Variants in ICE2 observed in about 807,000 individuals in gnomAD.
ICE2 encodes interactor of little elongation complex ELL subunit 2.
Under a neutral mutation model 105.4 loss-of-function variants are expected in ICE2, and 87 were observed. The observed-to-expected ratio is 0.83, with a 90% CI of 0.69 to 0.99. The LOEUF (loss-of-function observed/expected upper bound fraction) is 0.99. Ranked by LOEUF, ICE2 falls within the 50% of genes least tolerant of loss-of-function variation. The probability of loss-of-function intolerance (pLI) is 0.00; values close to 1 mark genes in which losing one functional copy is unlikely to be tolerated. For missense variants in ICE2, 1,323 were observed against 1,146.7 expected (o/e 1.15, Z -2.22); for synonymous variants, 399 against 392.0 (o/e 1.02, Z -0.21).
chr15:60,442,637 G>T, intron 11 of ICE2, 92 bp from the exon 12 acceptor site: 1 of 938,970 alleles, frequency 1.1e-6, no homozygotes, highest in African/African-American at 1.7e-5. Flanking sequence ...CTTTCAAAAT[G>T]CTTTCAGGTA....
Position 60,448,845 on chromosome 15 carries a change from T to TA in ICE2, c.2119+2dup, listed in dbSNP as rs1375837580. 3 of 1,571,790 alleles carry TA rather than the reference T, an allele frequency of 1.9e-6. No individual in the cohort carries two copies. The highest frequency in any genetic ancestry group is 2.0e-5 in the Admixed American group (1 of 48,972). On this transcript the variant is annotated splice_region_variant and intron_variant, in intron 10 of 15. Coordinates refer to ENST00000261520, the MANE Select transcript of ICE2 (RefSeq NM_024611.6). Reference sequence around the variant, plus strand: ...TGTAAGCTCTTTGTAAATATTTACTTACGTCCTTTTGGCTTCTGAAATGCA... The same window carrying TA: ...TGTAAGCTCTTTGTAAATATTTACTTAACGTCCTTTTGGCTTCTGAAATGCA...
rs2063263491 is a variant in ICE2 at position 60,423,107 on chromosome 15, G to A, written c.*527C>T. The A allele has an allele frequency of 6.6e-6, 1 of 152,510 alleles. No individual in the cohort carries two copies. Among genetic ancestry groups the A allele is most frequent in the East Asian group, 1.9e-4 (1 of 5,188 alleles). 9.4% of individuals were successfully genotyped at this position (152,510 alleles called of 1,614,324 possible). ...AGTTTTTATTTTTGGCTTCTGTAAT[G>A]GAATTTCACCAAGTTTTTAAAGGTA... On this transcript the variant is annotated 3_prime_UTR_variant, in exon 16 of 16. Coordinates refer to ENST00000261520, the MANE Select transcript of ICE2 (RefSeq NM_024611.6).
chr15:60,472,626 T>C (rs1399599275), intron 3 of ICE2, among the ~76,000 whole-genome samples: 1 of 152,196 alleles, frequency 6.6e-6, no homozygotes, highest in Non-Finnish European at 1.5e-5. Flanking sequence ...AAAATGCCTT[T>C]TTCCTTGTAC....
intron 3 of ICE2, among the ~76,000 whole-genome samples, chr15:60,468,577 A>G (rs568850161): frequency 6.6e-6 from 1 of 152,364 alleles, no homozygotes; most frequent in Admixed American, 6.5e-5. Context: ...TATTCAATTT[A>G]GAAGTTTTTT....
Position 60,420,758 on chromosome 15 carries a change from T to TG in ICE2, c.*2875dup. 1 of 152,242 alleles carries TG rather than the reference T, an allele frequency of 6.6e-6. No homozygotes were observed. Among genetic ancestry groups the TG allele is most frequent in the African/African-American group, 2.4e-5 (1 of 41,464 alleles). 9.4% of individuals were successfully genotyped at this position (152,242 alleles called of 1,614,324 possible). A position where few individuals can be genotyped will look rare whatever the true frequency, so the allele number is the denominator to read the frequency against. On this transcript the variant is annotated 3_prime_UTR_variant, in exon 16 of 16. Coordinates refer to ENST00000261520, the MANE Select transcript of ICE2 (RefSeq NM_024611.6). The stretch of plus-strand genomic sequence containing the variant: ...TCAGAAAACCTTAACTACCAAGATC[T>TG]GGTTAGATGACTTGCTTACTTTATC...
At chr15:60,478,809 G>C (rs1240754667) in intron 1 of ICE2, 194 bp downstream of exon 1, 4 of 374,810 alleles carry the variant, frequency 1.1e-5, no homozygotes, top group African/African-American at 2.1e-5. Context: ...GGGACGCAAA[G>C]AGAGGGGAAA....
At chr15:60,447,921 T>C (rs769551566) in intron 11 of ICE2, 49 bp downstream of exon 11, 2 of 1,411,946 alleles carry the variant, frequency 1.4e-6, no homozygotes, top group South Asian at 2.5e-5. Context: ...GTTAAGTATC[T>C]ATTGATTATT....
At chr15:60,435,097 C>T (rs1018166736) in intron 13 of ICE2, among the ~76,000 whole-genome samples, 12 of 147,616 alleles carry the variant, frequency 8.1e-5, no homozygotes, top group Non-Finnish European at 1.2e-4. Context: ...CTGGCTAACA[C>T]GGTGAAACCC....
chr15:60,456,800 A>T lies in ICE2; in HGVS notation c.529-6T>A. 1 of 1,459,998 alleles carries T rather than the reference A, an allele frequency of 6.8e-7. No individual in the cohort carries two copies. The highest frequency in any genetic ancestry group is 9.1e-7 in the Non-Finnish European group (1 of 1,095,844). The allele number at this position is 1,459,998 out of a possible 1,614,324, so 90.4% of individuals were successfully genotyped here. On this transcript the variant is annotated splice_region_variant and splice_polypyrimidine_tract_variant and intron_variant, in intron 5 of 15. Coordinates refer to ENST00000261520, the MANE Select transcript of ICE2 (RefSeq NM_024611.6). ...ATGCAAGCTCTTAAAATTTTCTGAG[A>T]AACAGAAATTAAGAAAAATTCATTT...
chr15:60,474,416 G>A lies in ICE2; in HGVS notation c.146+1647C>T, dbSNP rs559274153. Among the ~76,000 whole-genome samples the A allele has an allele frequency of 3.3e-5, 5 of 152,018 alleles. No homozygotes were observed. In the South Asian group the frequency reaches 6.2e-4, roughly 19 times the overall value. On this transcript the variant is annotated intron_variant, in intron 3 of 15. Coordinates refer to ENST00000261520, the MANE Select transcript of ICE2 (RefSeq NM_024611.6). Reference sequence around the variant, plus strand: ...TCACTGTTTCTAACAGTAAAGGAACGGAAACAAGCTAAATATCAACAGAGG... The same window carrying A: ...TCACTGTTTCTAACAGTAAAGGAACAGAAACAAGCTAAATATCAACAGAGG...
At chr15:60,460,685 C>T (rs1009683643) in intron 5 of ICE2, among the ~76,000 whole-genome samples, 2 of 152,158 alleles carry the variant, frequency 1.3e-5, no homozygotes, top group Non-Finnish European at 2.9e-5. Flanking sequence ...ACCTCTGGCT[C>T]TACCCACTAG....
At chr15:60,428,153 T>C (rs1390469287) in intron 15 of ICE2, among the ~76,000 whole-genome samples, 1 of 151,402 alleles carries the variant, frequency 6.6e-6, no homozygotes, top group African/African-American at 2.5e-5. Context: ...AATATAAGGG[T>C]TTAACTACAT....
intron 14 of ICE2, 113 bp from the exon 15 acceptor site, chr15:60,428,800 T>C (rs2063392874): frequency 9.7e-7 from 1 of 1,031,614 alleles, no homozygotes; most frequent in Non-Finnish European, 1.4e-6. Flanking sequence ...TCACACCACC[T>C]CTAAAAATAC....
rs2063225473 is a variant in ICE2, at chr15:60,419,898, A to G, written c.*3736T>C. 1.3e-5 allele frequency: 2 copies of G among 152,194 alleles called. No homozygotes were observed. The highest frequency in any genetic ancestry group is 6.5e-5 in the Admixed American group (1 of 15,286). The allele number at this position is 152,194 out of a possible 1,614,324, so 9.4% of individuals were successfully genotyped here. A position where few individuals can be genotyped will look rare whatever the true frequency, so the allele number is the denominator to read the frequency against. ...TATGTGATTTAAAAATATGTTCACAAATTCTTTCCAAACTTCTCCCTTCAA... is the reference window on the plus strand; with the variant it reads ...TATGTGATTTAAAAATATGTTCACAGATTCTTTCCAAACTTCTCCCTTCAA... On this transcript the variant is annotated 3_prime_UTR_variant, in exon 16 of 16. Coordinates refer to ENST00000261520, the MANE Select transcript of ICE2 (RefSeq NM_024611.6).
chr15:60,422,104 TA>T lies in ICE2; in HGVS notation c.*1529del, dbSNP rs779113967. On this transcript the variant is annotated 3_prime_UTR_variant, in exon 16 of 16. Coordinates refer to ENST00000261520, the MANE Select transcript of ICE2 (RefSeq NM_024611.6). ...TACATAATTTCTGAAAATTTTAGTG[TA>T]AGGGTTCTAAAGATTAAACAAGCCT... The T allele has an allele frequency of 1.3e-5, 2 of 151,722 alleles. No individual in the cohort carries two copies. Among genetic ancestry groups the T allele is most frequent in the Non-Finnish European group, 2.9e-5 (2 of 67,946 alleles). The allele number at this position is 151,722 out of a possible 1,614,324, so 9.4% of individuals were successfully genotyped here.
rs28453311 is a variant in ICE2 at position 60,421,457 on chromosome 15, G to T, written c.*2177C>A. 1 of 152,022 alleles carries T rather than the reference G, an allele frequency of 6.6e-6. No individual in the cohort carries two copies. Among genetic ancestry groups the T allele is most frequent in the Middle Eastern group, 3.4e-3 (1 of 294 alleles). 9.4% of individuals were successfully genotyped at this position (152,022 alleles called of 1,614,324 possible). A position where few individuals can be genotyped will look rare whatever the true frequency, so the allele number is the denominator to read the frequency against. On this transcript the variant is annotated 3_prime_UTR_variant, in exon 16 of 16. Coordinates refer to ENST00000261520, the MANE Select transcript of ICE2 (RefSeq NM_024611.6). The stretch of plus-strand genomic sequence containing the variant: ...AGCATATCAAATGTATGTTAAAAAA[G>T]GAGGCTTCACTAAGCACAAGCAAAA...
At position 60,431,952 on chromosome 15, in the gene ICE2, A is replaced by C; in HGVS notation, c.2543T>G (p.Ile848Ser). 7.2e-7 allele frequency: 1 copy of C among 1,388,936 alleles called. No individual in the cohort carries two copies. Among genetic ancestry groups the C allele is most frequent in the Non-Finnish European group, 1.0e-6 (1 of 994,118 alleles). The allele number at this position is 1,388,936 out of a possible 1,614,324, so 86.0% of individuals were successfully genotyped here. Residue 848 changes from isoleucine (I) to serine (S), a missense_variant, in exon 14 of 16, where the codon ATT (isoleucine) becomes AGT (serine). Transcript: ENST00000261520. ...ISNLFNILQH[I>S]LKKLSSLQEG... ...TACTTACCTACTTAGTTTCTTTAGA[A>C]TGTGTTGGAGGATGTTAAATAAATT...
chr15:60,465,750 C>CTTT (rs201899350), intron 5 of ICE2, among the ~76,000 whole-genome samples: 4 of 127,020 alleles, frequency 3.1e-5, no homozygotes, highest in Admixed American at 8.1e-5. Flanking sequence ...ATACTTTATT[C>CTTT]TTTTTTTTTT....
chr15:60,433,376 G>A (rs1315274160), intron 13 of ICE2, among the ~76,000 whole-genome samples: 1 of 151,898 alleles, frequency 6.6e-6, no homozygotes, highest in African/African-American at 2.4e-5. Flanking sequence ...ATGAGCTACC[G>A]CACCCGGCCA....
Sources: gnomAD v4.1 joint callset for allele counts (sites outside exome capture counted in the v4.1 genomes callset) on GRCh38, gnomAD v4.1.1 for gene constraint, MANE v1.5 for transcripts, NCBI Gene and HGNC (gene_info 2026-07-23, HGNC 2026-07-21) for gene names.